MMP11: variants seen among roughly 807,000 people sequenced by gnomAD.
MMP11 encodes matrix metallopeptidase 11.
MMP11 carries 26 observed loss-of-function variants against 49.5 expected under a neutral mutation model. The ratio of observed to expected loss-of-function variants is 0.52; its 90% CI spans 0.38 to 0.73. The LOEUF is 0.73. Ranked by LOEUF, MMP11 falls within the 30% of genes least tolerant of loss-of-function variation. The pLI is 0.00. For missense variants in MMP11, 624 were observed against 671.2 expected, an observed-to-expected ratio of 0.93 and a Z score of 0.78; for synonymous variants, 265 against 282.3, an observed-to-expected ratio of 0.94 and a Z score of 0.62.
intron 2 of MMP11, 44 bp downstream of exon 2, chr22:23,779,460 C>A: frequency 6.6e-7 from 1 of 1,521,034 alleles, no homozygotes; most frequent in East Asian, 2.4e-5. Context: ...CCTGTGTGTC[C>A]GTGGGTAAGC....
At chr22:23,773,124 C>G (rs919692102) in intron 1 of MMP11, 146 bp downstream of exon 1, 3 of 963,884 alleles carry the variant, frequency 3.1e-6, no homozygotes, top group Non-Finnish European at 3.8e-6. Flanking sequence ...TCCCTCTAGG[C>G]GTGATAGACA....
intron 1 of MMP11, among the ~76,000 whole-genome samples, chr22:23,775,864 G>A (rs1023261401): frequency 6.6e-6 from 1 of 152,204 alleles, no homozygotes; most frequent in Non-Finnish European, 1.5e-5. Context: ...CAAGGAACAG[G>A]GCCAGGTAAG....
chr22:23,781,016 C>A lies in MMP11; in HGVS notation c.774C>A (p.Gly258=). Reference sequence around the variant, plus strand: ...GCAGGGGCGTTCAACACCTATATGGCCAGCCCTGGCCCACTGTCACCTCCA... The same window carrying A: ...GCAGGGGCGTTCAACACCTATATGGACAGCCCTGGCCCACTGTCACCTCCA... ...DDCRGVQHLY[G]QPWPTVTSRT... The change falls in exon 5 of 8, where the codon GGC becomes GGA. Residue 258 remains glycine (G), a synonymous_variant. Coordinates refer to ENST00000215743, the MANE Select transcript of MMP11 (RefSeq NM_005940.5). The A allele has an allele frequency of 1.9e-6, 3 of 1,612,770 alleles. No individual in the cohort carries two copies. Among genetic ancestry groups the A allele is most frequent in the Non-Finnish European group, 2.5e-6 (3 of 1,180,006 alleles).
intron 2 of MMP11, 175 bp downstream of exon 2, chr22:23,779,591 C>G: frequency 1.6e-6 from 1 of 615,842 alleles, no homozygotes; most frequent in Non-Finnish European, 2.9e-6. Context: ...GAAACCCCAA[C>G]TTAGACACAT....
intron 7 of MMP11, among the ~76,000 whole-genome samples, chr22:23,782,827 C>T (rs147317061): frequency 1.3e-5 from 2 of 152,246 alleles, no homozygotes; most frequent in African/African-American, 4.8e-5. Flanking sequence ...CTGTTGTGAA[C>T]CCAGTTTCCA....
chr22:23,782,448 C>T lies in MMP11; in HGVS notation c.1298C>T (p.Pro433Leu). Reference protein sequence around the residue: ...PRRATDWRGVPSEIDAAFQDA... With the variant: ...PRRATDWRGVLSEIDAAFQDA... ...AGGGCCACTGACTGGAGAGGGGTGC[C>T]CTCTGAGATCGACGCTGCCTTCCAG... Residue 433 changes from proline (P) to leucine (L), a missense_variant, in exon 7 of 8, where the codon CCC becomes CTC. Coordinates refer to ENST00000215743, the MANE Select transcript of MMP11 (RefSeq NM_005940.5). 6.2e-7 allele frequency: 1 copy of T among 1,613,062 alleles called. No individual in the cohort carries two copies. The highest frequency in any genetic ancestry group is 8.5e-7 in the Non-Finnish European group (1 of 1,179,748).
At position 23,779,363 on chromosome 22, in the gene MMP11, G is replaced by T. The variant is rs375092464; in HGVS notation, c.285G>T (p.Gln95His). ...ATGGGCTGAGTGCCCGCAACCGACAGAAGAGGTTCGTGCTTTCTGGCGGGC... is the reference window on the plus strand; with the variant it reads ...ATGGGCTGAGTGCCCGCAACCGACATAAGAGGTTCGTGCTTTCTGGCGGGC... The part of the protein sequence containing the change: ...PSDGLSARNR[Q>H]KRFVLSGGRW... Residue 95 changes from glutamine (Q) to histidine (H), a missense_variant, in exon 2 of 8, where the codon CAG (glutamine) becomes CAT (histidine). By Grantham distance (24) the Gln-to-His change is conservative (BLOSUM62 0). Transcript: ENST00000215743. 35 of 1,613,144 alleles carry T rather than the reference G, an allele frequency of 2.2e-5. No individual in the cohort carries two copies. The highest frequency in any genetic ancestry group is 2.8e-5 in the Non-Finnish European group (33 of 1,179,970).
chr22:23,775,587 C>A, intron 1 of MMP11, among the ~76,000 whole-genome samples: 1 of 152,220 alleles, frequency 6.6e-6, no homozygotes, highest in East Asian at 1.9e-4. Flanking sequence ...TAGCTAGAGG[C>A]CTCATTTCTA....
intron 1 of MMP11, among the ~76,000 whole-genome samples, chr22:23,778,566 G>C (rs1927496362): frequency 6.6e-6 from 1 of 152,200 alleles, no homozygotes; most frequent in African/African-American, 2.4e-5. Flanking sequence ...GCCTGTGCTA[G>C]GTGCTGTACA....
chr22:23,780,306 G>C lies in MMP11; in HGVS notation c.339-53G>C. 6.2e-7 allele frequency: 1 copy of C among 1,609,584 alleles called. No individual in the cohort carries two copies. The highest frequency in any genetic ancestry group is 1.1e-5 in the South Asian group (1 of 90,846). ...TCCAGGGGCAACTCCTGGTGCCTCA[G>C]CCATCGGGGGCTGTCCCTTCCCTGA... On this transcript the variant is annotated intron_variant, in intron 2 of 7. Transcript: ENST00000215743. This position sits in a 1 kb window ranked among gnomAD's most constrained non-coding sequence, Gnocchi z 4.6.
In MMP11 at chr22:23,779,244, C is replaced by A. The variant is rs775694044; in HGVS notation, c.166C>A (p.Pro56Thr). The A allele has an allele frequency of 6.2e-7, 1 of 1,609,050 alleles. No individual in the cohort carries two copies. Among genetic ancestry groups the A allele is most frequent in the Non-Finnish European group, 8.5e-7 (1 of 1,178,410 alleles). Reference sequence around the variant, plus strand: ...GCCACAGCCCTGGCATGCAGCCCTGCCCAGTAGCCCGGCACCTGCCCCTGC... The same window carrying A: ...GCCACAGCCCTGGCATGCAGCCCTGACCAGTAGCCCGGCACCTGCCCCTGC... ...RGPQPWHAALPSSPAPAPATQ... is the reference protein window; with the variant it reads ...RGPQPWHAALTSSPAPAPATQ... The change falls in exon 2 of 8, where the codon CCC becomes ACC. Residue 56 changes from proline (P) to threonine (T), a missense_variant. Pro to Thr is a conservative substitution (Grantham distance 38). Transcript: ENST00000215743.
At chr22:23,777,028 C>T (rs1246566074) in intron 1 of MMP11, among the ~76,000 whole-genome samples, 2 of 150,602 alleles carry the variant, frequency 1.3e-5, no homozygotes, top group African/African-American at 2.4e-5. Context: ...AGGATGGTCT[C>T]GATCTCCTGA....
Position 23,780,740 on chromosome 22 carries a change from A to T in MMP11, c.616+25A>T. ...GGTATGGGCTGGGGACCCATTTTCC[A>T]GATGGGGCAACCGAAGATCATAAAG... On this transcript the variant is annotated intron_variant, in intron 4 of 7. Transcript: ENST00000215743. The surrounding 1 kb of genome is among the most constrained non-coding windows in gnomAD (Gnocchi z 4.6). 2.6e-6 allele frequency: 4 copies of T among 1,546,274 alleles called. No individual in the cohort carries two copies. Among genetic ancestry groups the T allele is most frequent in the Non-Finnish European group, 3.5e-6 (4 of 1,148,788 alleles).
chr22:23,776,968 T>C (rs1318260824), intron 1 of MMP11, among the ~76,000 whole-genome samples: 1 of 151,532 alleles, frequency 6.6e-6, no homozygotes, highest in Non-Finnish European at 1.5e-5. Flanking sequence ...CCACCACGCC[T>C]GGCTAATTTT....
intron 1 of MMP11, among the ~76,000 whole-genome samples, chr22:23,774,007 G>A (rs901369358): frequency 2.6e-5 from 4 of 152,196 alleles, no homozygotes; most frequent in African/African-American, 9.7e-5. Flanking sequence ...GTGAATGGGG[G>A]GCATCTCAGT....
chr22:23,776,560 T>G (rs745717052), intron 1 of MMP11, among the ~76,000 whole-genome samples: 3 of 152,168 alleles, frequency 2.0e-5, no homozygotes, highest in Non-Finnish European at 2.9e-5. Flanking sequence ...GGTCCCTCCT[T>G]CAGGGGAAGG....
At chr22:23,775,404 C>T (rs1927376548) in intron 1 of MMP11, among the ~76,000 whole-genome samples, 1 of 152,250 alleles carries the variant, frequency 6.6e-6, no homozygotes, top group South Asian at 2.1e-4. Flanking sequence ...TAGCAAGCTG[C>T]TTCATGCCGT....
rs1569154166 is a variant in MMP11, at chr22:23,772,977, C to T, written c.107C>T (p.Pro36Leu). ...PPPLLARALP[P>L]DAHHLHAERR... Reference sequence around the variant, plus strand: ...CCGCTGCTGGCCCGGGCTCTGCCGCCGGTGAGTGCCCGCCACTCGCCGGCC... The same window carrying T: ...CCGCTGCTGGCCCGGGCTCTGCCGCTGGTGAGTGCCCGCCACTCGCCGGCC... The change falls in exon 1 of 8, where the codon CCG (proline) becomes CTG (leucine). Residue 36 changes from proline to leucine, a missense_variant and splice_region_variant. By Grantham distance (98) the Pro-to-Leu change is moderately conservative (BLOSUM62 -3). Coordinates refer to ENST00000215743, the MANE Select transcript of MMP11 (RefSeq NM_005940.5). The T allele has an allele frequency of 1.2e-5, 14 of 1,201,346 alleles. No homozygotes were observed. Among genetic ancestry groups the T allele is most frequent in the Non-Finnish European group, 1.4e-5 (14 of 965,920 alleles). 74.4% of individuals were successfully genotyped at this position (1,201,346 alleles called of 1,614,324 possible).
intron 1 of MMP11, 110 bp from the exon 2 acceptor site, chr22:23,779,077 C>T (rs1927514410): frequency 3.5e-6 from 3 of 865,378 alleles, no homozygotes; most frequent in Admixed American, 2.5e-5. Context: ...ATTTGCCCAG[C>T]CACACAGTGG....
Sources: gnomAD v4.1 joint callset for allele counts (sites outside exome capture counted in the v4.1 genomes callset) on GRCh38, gnomAD v4.1.1 for gene constraint, Gnocchi (gnomAD v3.1) non-coding constraint, MANE v1.5 for transcripts, NCBI Gene and HGNC (gene_info 2026-07-23, HGNC 2026-07-21) for gene names.